ENPP2: variants seen among roughly 807,000 people sequenced by gnomAD.
ENPP2 encodes the protein ectonucleotide pyrophosphatase/phosphodiesterase 2.
A neutral mutation model predicts 120.2 loss-of-function variants in ENPP2; 51 were observed. The observed-to-expected ratio is 0.42, with a 90% CI of 0.34 to 0.54. The LOEUF is 0.54. Ranked by LOEUF, ENPP2 falls within the 20% of genes least tolerant of loss-of-function variation. ENPP2 has a pLI of 0.04. For missense variants in ENPP2, 920 were observed against 1,066.5 expected (o/e 0.86, Z 1.91); for synonymous variants, 365 against 366.4 (o/e 1.00, Z 0.04).
intron 1 of ENPP2, among the ~76,000 whole-genome samples, chr8:119,651,515 G>C (rs1438441272): frequency 6.6e-6 from 1 of 152,130 alleles, no homozygotes; most frequent in Non-Finnish European, 1.5e-5. Flanking sequence ...CTTTTCTCTT[G>C]ATTTCCCAAT....
chr8:119,616,761 C>T (rs1320460026), intron 7 of ENPP2, among the ~76,000 whole-genome samples: 3 of 151,866 alleles, frequency 2.0e-5, no homozygotes, highest in African/African-American at 4.8e-5. Flanking sequence ...TTCTATTGCT[C>T]CCCGAATCAA....
At chr8:119,644,623 T>TATATATATATATATATATACAC (rs1563768976) in intron 1 of ENPP2, among the ~76,000 whole-genome samples, 1 of 97,250 alleles carries the variant, frequency 1.0e-5, no homozygotes, top group African/African-American at 4.1e-5. Context: ...TATATATATA[T>TATATATATATATATATATACAC]ATACACACAC....
At chr8:119,595,206 T>A (rs1241773517) in intron 11 of ENPP2, among the ~76,000 whole-genome samples, 1 of 152,218 alleles carries the variant, frequency 6.6e-6, no homozygotes. Context: ...ATCCAGAACC[T>A]ACTTCTTAGG....
intron 1 of ENPP2, among the ~76,000 whole-genome samples, chr8:119,669,461 G>C (rs1369980250): frequency 6.6e-6 from 1 of 152,172 alleles, no homozygotes; most frequent in African/African-American, 2.4e-5. Flanking sequence ...AATTGCCAGA[G>C]CAGGGATGTG....
At chr8:119,562,096 C>T (rs1456985575) in intron 24 of ENPP2, among the ~76,000 whole-genome samples, 1 of 150,932 alleles carries the variant, frequency 6.6e-6, no homozygotes, top group African/African-American at 2.4e-5. Flanking sequence ...AAGATCACAC[C>T]ACTGCACTCC....
At chr8:119,611,610 T>C (rs921432689) in intron 8 of ENPP2, among the ~76,000 whole-genome samples, 1 of 152,068 alleles carries the variant, frequency 6.6e-6, no homozygotes, top group South Asian at 2.1e-4. Flanking sequence ...AAAGAACAGT[T>C]CCATCCGAAA....
At chr8:119,640,564 C>T (rs1817249592), upstream of ENPP2, among the ~76,000 whole-genome samples, 1 of 152,150 alleles carries the variant, frequency 6.6e-6, no homozygotes, top group Admixed American at 6.5e-5. Context: ...AGCTAGAAGA[C>T]AATGAGGGTT....
At chr8:119,641,509 T>C (rs1294007360), upstream of ENPP2, among the ~76,000 whole-genome samples, 1 of 152,324 alleles carries the variant, frequency 6.6e-6, no homozygotes, top group Middle Eastern at 3.4e-3. Context: ...TAAGAAAGAC[T>C]GAAAAATTAA....
chr8:119,635,515 C>T (rs975155993), intron 2 of ENPP2, among the ~76,000 whole-genome samples: 1 of 152,226 alleles, frequency 6.6e-6, no homozygotes, highest in African/African-American at 2.4e-5. Context: ...CATGAGTGCA[C>T]AGACACCTGT....
chr8:119,565,807 AC>A (rs571353956), intron 22 of ENPP2, among the ~76,000 whole-genome samples: 154 of 151,736 alleles, frequency 1.0e-3, no homozygotes, highest in African/African-American at 3.3e-3. Context: ...CTTGTAGCCC[AC>A]TCCCCCATAT....
In ENPP2 at chr8:119,662,709, G is replaced by A. The variant is rs1334595537; in HGVS notation, c.21+10543C>T. On this transcript the variant is annotated intron_variant, in intron 1 of 25. Transcript: ENST00000427067. The stretch of plus-strand genomic sequence containing the variant: ...GTGCTGGAGAAAACAACAAAAACAG[G>A]CAGGACAATATCTGGCCTGCAGGCC... Among the ~76,000 whole-genome samples, 5 of 152,328 alleles carry A rather than the reference G, an allele frequency of 3.3e-5. No individual in the cohort carries two copies. The South Asian group carries it at 1.0e-3, about 32-fold the overall frequency.
At chr8:119,633,835 A>G (rs1204686454) in intron 2 of ENPP2, among the ~76,000 whole-genome samples, 2 of 151,424 alleles carry the variant, frequency 1.3e-5, no homozygotes, top group African/African-American at 4.9e-5. Flanking sequence ...TTTTTTTAAT[A>G]AAGAGGTCCA....
At chr8:119,566,007 TATC>T (rs1314828520) in intron 22 of ENPP2, among the ~76,000 whole-genome samples, 8 of 152,176 alleles carry the variant, frequency 5.3e-5, no homozygotes. Flanking sequence ...CCCCTTTCCC[TATC>T]ACTCGCAAGA....
At chr8:119,604,018 T>C (rs867140682) in intron 9 of ENPP2, among the ~76,000 whole-genome samples, 7,997 of 146,844 alleles carry the variant, frequency 0.054, 313 homozygotes, top group Non-Finnish European at 0.08. Flanking sequence ...CTCTCTTTTT[T>C]TTTTTTTTTT....
At chr8:119,572,001 G>A (rs1238373800) in intron 19 of ENPP2, 5 of 555,538 alleles carry the variant, frequency 9.0e-6, no homozygotes, top group Non-Finnish European at 1.6e-5. Flanking sequence ...TGCAGTAAAT[G>A]TAGAAGCCTT....
At position 119,568,280 on chromosome 8, in the gene ENPP2, C is replaced by T. The variant is rs772636980; in HGVS notation, c.2054-28G>A. The T allele has an allele frequency of 2.4e-5, 30 of 1,245,632 alleles. 1 individual carries two copies. Among genetic ancestry groups the T allele is most frequent in the South Asian group, 1.3e-4 (10 of 78,822 alleles). 77.2% of individuals were successfully genotyped at this position (1,245,632 alleles called of 1,614,324 possible). On this transcript the variant is annotated intron_variant, in intron 21 of 24. Transcript: ENST00000075322. ...AAACATTAGGAAAACAAATAGTATA[C>T]GTTGCTTACCAAAATCTATATCAGT...
At chr8:119,569,198 C>G in intron 21 of ENPP2, 37 bp downstream of exon 21, 2 of 1,601,946 alleles carry the variant, frequency 1.2e-6, no homozygotes, top group East Asian at 4.5e-5. Context: ...ATGTGACATC[C>G]CTCTGAAGGC....
chr8:119,609,122 C>T (rs1186434493), intron 8 of ENPP2, among the ~76,000 whole-genome samples: 1 of 152,190 alleles, frequency 6.6e-6, no homozygotes, highest in African/African-American at 2.4e-5. Context: ...AGAGTGACAA[C>T]TTATTTTTTG....
chr8:119,618,720 AGGC>A (rs1247758157), intron 5 of ENPP2, among the ~76,000 whole-genome samples: 1 of 151,450 alleles, frequency 6.6e-6, no homozygotes, highest in African/African-American at 2.4e-5. Context: ...TTTTTAGTAG[AGGC>A]GGGGTGTCAC....
Sources: allele counts gnomAD v4.1 joint callset (sites outside exome capture counted in the v4.1 genomes callset), GRCh38; gene constraint gnomAD v4.1.1; transcripts MANE v1.5; gene names NCBI Gene and HGNC (gene_info 2026-07-23, HGNC 2026-07-21).